Variants in SLC35B2 observed in about 807,000 individuals in gnomAD.
The protein encoded by SLC35B2 is solute carrier family 35 member B2, also known as adenosine 3'-phospho 5'-phosphosulfate transporter 1.
In SLC35B2, 19 loss-of-function variants were observed where a neutral mutation model predicts 37.9. That is an observed-to-expected ratio of 0.50 (90% confidence interval 0.35 to 0.74). SLC35B2 has a LOEUF of 0.74. Among genes scored for constraint, SLC35B2 ranks in the 30% least tolerant of loss-of-function variants. The pLI is 0.01. For synonymous variants in SLC35B2, 277 were observed against 225.2 expected (o/e 1.23, Z -2.06); for missense variants, 633 against 547.6 (o/e 1.16, Z -1.56).
Position 44,257,445 on chromosome 6 carries a change from GA to G in SLC35B2, c.-36del, listed in dbSNP as rs1188180375. ...CGCGTGGGGTGGAGGGGGAACCGGGGAATGCGAGTCCCCGGGCCGCGCGCCC... is the reference window on the plus strand; with the variant it reads ...CGCGTGGGGTGGAGGGGGAACCGGGGATGCGAGTCCCCGGGCCGCGCGCCC... On this transcript the variant is annotated 5_prime_UTR_variant, in exon 1 of 4. Coordinates refer to ENST00000393812, the MANE Select transcript of SLC35B2 (RefSeq NM_178148.4). The G allele has an allele frequency of 8.0e-7, 1 of 1,250,586 alleles. No homozygotes were observed. Among genetic ancestry groups the G allele is most frequent in the African/African-American group, 1.5e-5 (1 of 64,522 alleles). The allele number at this position is 1,250,586 out of a possible 1,614,324, so 77.5% of individuals were successfully genotyped here. A position where few individuals can be genotyped will look rare whatever the true frequency, so the allele number is the denominator to read the frequency against.
At chr6:44,256,272 T>A in intron 3 of SLC35B2, 70 bp downstream of exon 3, 5 of 1,545,030 alleles carry the variant, frequency 3.2e-6, no homozygotes, top group Non-Finnish European at 1.7e-6. Context: ...ACTGGTAAAA[T>A]GGAAACCTTC....
chr6:44,255,383 T>C lies in SLC35B2; in HGVS notation c.622A>G (p.Ser208Gly). Residue 208 changes from serine (S) to glycine (G), a missense_variant, in exon 4 of 4, where the codon AGC becomes GGC. Ser to Gly is a moderately conservative substitution (Grantham distance 56, BLOSUM62 0). Coordinates refer to ENST00000393812, the MANE Select transcript of SLC35B2 (RefSeq NM_178148.4). ...TTGGCCAGCACCTGGGTGGGGAAGC[T>C]GACGAACTTAAGAGCTTCGTATTGG... ...WCQYEALKFV[S>G]FPTQVLAKAS... 6.2e-7 allele frequency: 1 copy of C among 1,614,214 alleles called. No homozygotes were observed. Among genetic ancestry groups the C allele is most frequent in the Non-Finnish European group, 8.5e-7 (1 of 1,180,038 alleles).
Position 44,256,687 on chromosome 6 carries a change from G to A in SLC35B2, c.203C>T (p.Thr68Ile), listed in dbSNP as rs142335642. The change falls in exon 2 of 4, where the codon ACC becomes ATC. Residue 68 changes from threonine (T) to isoleucine (I), a missense_variant and splice_region_variant. Thr to Ile is a moderately conservative substitution (Grantham distance 89). Coordinates refer to ENST00000393812, the MANE Select transcript of SLC35B2 (RefSeq NM_178148.4). ...QYFRRKNYLETGRGLCFPLVK... is the reference protein window; with the variant it reads ...QYFRRKNYLEIGRGLCFPLVK... ...TTCCCCGCCCTTTCTTCACACACCG[G>A]TCTCCAGGTAGTTCTTCCGCCTGAA... The A allele has an allele frequency of 7.4e-6, 12 of 1,613,844 alleles. No homozygotes were observed. The highest frequency in any genetic ancestry group is 3.3e-5 in the Admixed American group (2 of 59,940).
rs367746095 is a variant in SLC35B2, at chr6:44,255,513, C to G, written c.492G>C (p.Leu164=). Residue 164 remains leucine (L), a synonymous_variant, in exon 4 of 4, where the codon CTG becomes CTC. Coordinates refer to ENST00000393812, the MANE Select transcript of SLC35B2 (RefSeq NM_178148.4). ...GAACACAGGAGAGGCCAGCCACAAT[C>G]AGTGCCAGCACTCGGTTCATTAGCA... ...FLVLMNRVLA[L]IVAGLSCVLC... 13 of 1,614,100 alleles carry G rather than the reference C, an allele frequency of 8.1e-6. No homozygotes were observed. In the Admixed American group the frequency reaches 1.0e-4, roughly 12 times the overall value.
chr6:44,257,023 C>CTA, intron 1 of SLC35B2, 145 bp from the exon 2 acceptor site: 8 of 930,782 alleles, frequency 8.6e-6, no homozygotes, highest in Non-Finnish European at 1.2e-5. Flanking sequence ...CTCTCTCTCT[C>CTA]TCTCTCTCTC....
intron 3 of SLC35B2, among the ~76,000 whole-genome samples, 175 bp from the exon 4 acceptor site, chr6:44,255,819 G>C (rs1230649492): frequency 6.6e-6 from 1 of 152,170 alleles, no homozygotes; most frequent in South Asian, 2.1e-4. Flanking sequence ...ACCTTGTAGG[G>C]AATCAACTGT....
Position 44,256,793 on chromosome 6 carries a change from G to C in SLC35B2, c.97C>G (p.Gln33Glu). The C allele has an allele frequency of 2.5e-6, 4 of 1,614,188 alleles. No individual in the cohort carries two copies. In the South Asian group the frequency reaches 4.4e-5, roughly 18 times the overall value. The part of the protein sequence containing the change: ...TPEAPPESWT[Q>E]LWFFRFVVNA... ...ACCACAAATCGGAAGAACCATAGCT[G>C]GGTCCATGACTCCGGAGGGGCTTCG... The change falls in exon 2 of 4, where the codon CAG becomes GAG. Residue 33 changes from glutamine (Q) to glutamate (E), a missense_variant. By Grantham distance (29) the Gln-to-Glu change is conservative. Coordinates refer to ENST00000393812, the MANE Select transcript of SLC35B2 (RefSeq NM_178148.4).
chr6:44,254,864 G>A lies in SLC35B2; in HGVS notation c.1141C>T (p.Leu381Phe), dbSNP rs1403224387. The A allele has an allele frequency of 2.5e-6, 4 of 1,614,112 alleles. No individual in the cohort carries two copies. Among genetic ancestry groups the A allele is most frequent in the South Asian group, 1.1e-5 (1 of 91,084 alleles). ...GTGTGGCCATAGAGAAGGCAGGAAAGAAGGATGGCAAAGGCCTGGCGGAGG... is the reference window on the plus strand; with the variant it reads ...GTGTGGCCATAGAGAAGGCAGGAAAAAAGGATGGCAAAGGCCTGGCGGAGG... ...MTLRQAFAIL[L>F]SCLLYGHTVT... Residue 381 changes from leucine to phenylalanine, a missense_variant, in exon 4 of 4, where the codon CTT (leucine) becomes TTT (phenylalanine). Physicochemically the swap from Leu to Phe is conservative, Grantham distance 22. Transcript: ENST00000393812.
In SLC35B2 at chr6:44,256,467, C is replaced by G. The variant is rs957771061; in HGVS notation, c.235G>C (p.Ala79Pro). Residue 79 changes from alanine (A) to proline (P), a missense_variant, in exon 3 of 4, where the codon GCT becomes CCT. Ala to Pro is a conservative substitution (Grantham distance 27, BLOSUM62 -1). Transcript: ENST00000393812. ...GRGLCFPLVK[A>P]CVFGNEPKAS... Reference sequence around the variant, plus strand: ...TTGGGCTCATTGCCAAACACACAAGCTTTCACCAGGGGAAAGCAGAGGCCC... The same window carrying G: ...TTGGGCTCATTGCCAAACACACAAGGTTTCACCAGGGGAAAGCAGAGGCCC... 2 of 1,614,190 alleles carry G rather than the reference C, an allele frequency of 1.2e-6. No homozygotes were observed. Among genetic ancestry groups the G allele is most frequent in the African/African-American group, 2.7e-5 (2 of 75,044 alleles).
intron 3 of SLC35B2, among the ~76,000 whole-genome samples, chr6:44,256,081 C>G (rs1781445898): frequency 7.0e-6 from 1 of 142,044 alleles, no homozygotes; most frequent in South Asian, 2.2e-4. Flanking sequence ...GAGAATAGGG[C>G]AAGAGGAGTC....
chr6:44,254,577 G>A lies in SLC35B2; in HGVS notation c.*129C>T. 9.2e-7 allele frequency: 1 copy of A among 1,083,798 alleles called. No homozygotes were observed. Among genetic ancestry groups the A allele is most frequent in the Non-Finnish European group, 1.3e-6 (1 of 759,238 alleles). The allele number at this position is 1,083,798 out of a possible 1,614,324, so 67.1% of individuals were successfully genotyped here. A position where few individuals can be genotyped will look rare whatever the true frequency, so the allele number is the denominator to read the frequency against. ...CTCCTGGGCTCCCCAATCCCCTGCT[G>A]CAGAGCTGGTCTGTGATACTGAGAA... On this transcript the variant is annotated 3_prime_UTR_variant, in exon 4 of 4. Transcript: ENST00000393812.
At chr6:44,257,040 G>C (rs1033675879) in intron 1 of SLC35B2, 162 bp from the exon 2 acceptor site, 17 of 820,660 alleles carry the variant, frequency 2.1e-5, no homozygotes, top group African/African-American at 1.7e-4. Flanking sequence ...TCTCGGGGAG[G>C]GGGTGCGCCG....
rs1781346226 is a variant in SLC35B2 at position 44,255,648 on chromosome 6, T to C, written c.361-4A>G. 2 of 1,607,484 alleles carry C rather than the reference T, an allele frequency of 1.2e-6. No individual in the cohort carries two copies. Among genetic ancestry groups the C allele is most frequent in the Non-Finnish European group, 1.7e-6 (2 of 1,176,314 alleles). On this transcript the variant is annotated splice_region_variant and splice_polypyrimidine_tract_variant and intron_variant, in intron 3 of 3. Transcript: ENST00000393812. Reference sequence around the variant, plus strand: ...CACCCCAAGTCAGATAAGACACCTGTTGGGGAAGGTAGAGACAAAGGAGAC... The same window carrying C: ...CACCCCAAGTCAGATAAGACACCTGCTGGGGAAGGTAGAGACAAAGGAGAC...
At chr6:44,257,277 G>C (rs1234962747) in intron 1 of SLC35B2, 123 bp downstream of exon 1, 6 of 1,131,700 alleles carry the variant, frequency 5.3e-6, no homozygotes, top group South Asian at 5.0e-5. Flanking sequence ...CGCTGGCTCC[G>C]GGCAGCGATA....
chr6:44,257,181 C>T, intron 1 of SLC35B2: 1 of 515,972 alleles, frequency 1.9e-6, no homozygotes, highest in Non-Finnish European at 3.1e-6. Flanking sequence ...CCCACACTCC[C>T]CTCCACGATC....
Position 44,255,126 on chromosome 6 carries a change from A to C in SLC35B2, c.879T>G (p.Phe293Leu), listed in dbSNP as rs1449604287. The C allele has an allele frequency of 6.2e-7, 1 of 1,614,250 alleles. No individual in the cohort carries two copies. Among genetic ancestry groups the C allele is most frequent in the Admixed American group, 1.7e-5 (1 of 60,022 alleles). The change falls in exon 4 of 4, where the codon TTT (phenylalanine) becomes TTG (leucine). Residue 293 changes from phenylalanine (F) to leucine (L), a missense_variant. Coordinates refer to ENST00000393812, the MANE Select transcript of SLC35B2 (RefSeq NM_178148.4). Reference sequence around the variant, plus strand: ...TCTGCACCGATGACATCTTATAGGCAAACAGGGCATCCTGCCAGTTTGAGG... The same window carrying C: ...TCTGCACCGATGACATCTTATAGGCCAACAGGGCATCCTGCCAGTTTGAGG... The part of the protein sequence containing the change: ...SFTSNWQDAL[F>L]AYKMSSVQMM...
rs979830542 is a variant in SLC35B2, at chr6:44,255,171, A to G, written c.834T>C (p.Tyr278=). 6.2e-6 allele frequency: 10 copies of G among 1,614,132 alleles called. No individual in the cohort carries two copies. The African/African-American group carries it at 1.1e-4, about 17-fold the overall frequency. ...TLSGLILLAG[Y]IAFDSFTSNW... ...TTGAGGTGAAGCTGTCAAAAGCAAT[A>G]TAACCTGCCAGTAAGATGAGGCCTG... The change falls in exon 4 of 4, where the codon TAT becomes TAC. Residue 278 remains tyrosine, a synonymous_variant. Transcript: ENST00000393812.
Position 44,255,428 on chromosome 6 carries a change from T to C in SLC35B2, c.577A>G (p.Asn193Asp). 1.9e-6 allele frequency: 3 copies of C among 1,614,188 alleles called. No homozygotes were observed. Among genetic ancestry groups the C allele is most frequent in the Non-Finnish European group, 1.7e-6 (2 of 1,180,028 alleles). The change falls in exon 4 of 4, where the codon AAT becomes GAT. Residue 193 changes from asparagine (N) to aspartate (D), a missense_variant. Physicochemically the swap from Asn to Asp is conservative, Grantham distance 23. Coordinates refer to ENST00000393812, the MANE Select transcript of SLC35B2 (RefSeq NM_178148.4). ...MYRYSFASLS[N>D]VLSSWCQYEA... ...TATTGGCACCAGCTGCTAAGCACAT[T>C]GGACAGGCTGGCAAAGGAGTACCGG...
At position 44,254,945 on chromosome 6, in the gene SLC35B2, AGAGCTGGCCACATGCG is replaced by A; in HGVS notation, c.1044_1059del (p.Ala349SerfsTer18). ...AACTGCCCAATGGTGTAAAAGATGAAGAGCTGGCCACATGCGGAGCAGATGGAGAGTAGCAGGGCAT... is the reference window on the plus strand; with the variant it reads ...AACTGCCCAATGGTGTAAAAGATGAAGAGCAGATGGAGAGTAGCAGGGCAT... On this transcript the variant is annotated frameshift_variant, in exon 4 of 4. Coordinates refer to ENST00000393812, the MANE Select transcript of SLC35B2 (RefSeq NM_178148.4). LOFTEE classifies it high-confidence loss of function. 1 of 1,614,184 alleles carries A rather than the reference AGAGCTGGCCACATGCG, an allele frequency of 6.2e-7. No homozygotes were observed. The highest frequency in any genetic ancestry group is 8.5e-7 in the Non-Finnish European group (1 of 1,180,012).
Sources: allele counts gnomAD v4.1 joint callset (sites outside exome capture counted in the v4.1 genomes callset), GRCh38; gene constraint gnomAD v4.1.1; transcripts MANE v1.5; gene names NCBI Gene and HGNC (gene_info 2026-07-23, HGNC 2026-07-21).